The following NALF1 variants were observed in gnomAD, a reference collection of about 807,000 sequenced individuals.
NALF1 encodes family with sequence similarity 155 member A.
A neutral mutation model predicts 48.4 loss-of-function variants in NALF1; 3 were observed. That is an observed-to-expected ratio of 0.06 (90% CI 0.03 to 0.16). The LOEUF (loss-of-function observed/expected upper bound fraction) is 0.16. NALF1 is among the 10% of genes least tolerant of loss of function. The probability of loss-of-function intolerance (pLI) is 1.00; values close to 1 mark genes in which losing one functional copy is unlikely to be tolerated. For synonymous variants in NALF1, 262 were observed against 245.7 expected (o/e 1.07, Z -0.62); for missense variants, 526 against 571.5 (o/e 0.92, Z 0.81).
intron 1 of NALF1, among the ~76,000 whole-genome samples, chr13:107,637,963 C>T (rs1451143383): frequency 6.6e-5 from 10 of 151,718 alleles, no homozygotes. Context: ...GAAACGTCAC[C>T]ATGGTGAGTG....
chr13:107,639,727 T>A (rs754306595), intron 1 of NALF1, among the ~76,000 whole-genome samples: 2 of 152,088 alleles, frequency 1.3e-5, no homozygotes. Context: ...AAGTCTCAAC[T>A]CAGGCATGAT....
chr13:107,504,451 C>T (rs1392623371), intron 1 of NALF1, among the ~76,000 whole-genome samples: 1 of 152,038 alleles, frequency 6.6e-6, no homozygotes, highest in Non-Finnish European at 1.5e-5. Flanking sequence ...AGTAGCTATG[C>T]GAGACGATAG....
At chr13:107,796,597 G>A (rs932969977) in intron 1 of NALF1, among the ~76,000 whole-genome samples, 3 of 151,952 alleles carry the variant, frequency 2.0e-5, no homozygotes, top group Admixed American at 1.3e-4. Flanking sequence ...TACTACTCTC[G>A]CTGCTTTATT....
At position 107,812,507 on chromosome 13, in the gene NALF1, A is replaced by G. The variant is rs139046071; in HGVS notation, c.915+53175T>C. Among the ~76,000 whole-genome samples the G allele has an allele frequency of 3.2e-3, 492 of 152,226 alleles. 1 individual carries two copies. The highest frequency in any genetic ancestry group is 5.6e-3 in the Admixed American group (85 of 15,296). ...GATTTTTAGTCATGTCAATGAAAAA[A>G]TATTTCTAAAAATAGCTACAAAGTT... On this transcript the variant is annotated intron_variant, in intron 1 of 2. Transcript: ENST00000375915.
chr13:107,305,424 C>G (rs1041637968), intron 1 of NALF1, among the ~76,000 whole-genome samples: 3 of 152,210 alleles, frequency 2.0e-5, no homozygotes, highest in African/African-American at 7.2e-5. Context: ...ATTATATCCA[C>G]AAACTTTTTT....
chr13:107,699,120 T>C (rs1881761088), intron 1 of NALF1, among the ~76,000 whole-genome samples: 2 of 152,164 alleles, frequency 1.3e-5, no homozygotes, highest in Non-Finnish European at 2.9e-5. Flanking sequence ...AGAAAATACA[T>C]TGTTACAAAT....
At chr13:107,840,652 T>C (rs936846818) in intron 1 of NALF1, among the ~76,000 whole-genome samples, 2 of 152,190 alleles carry the variant, frequency 1.3e-5, no homozygotes, top group Non-Finnish European at 2.9e-5. Flanking sequence ...ACTCGGGTTC[T>C]ATTCCTCGAC....
chr13:107,336,237 C>A, intron 1 of NALF1, among the ~76,000 whole-genome samples: 1 of 151,952 alleles, frequency 6.6e-6, no homozygotes, highest in East Asian at 1.9e-4. Context: ...CCTGTAATCC[C>A]AGCTACTCCG....
chr13:107,765,894 A>C (rs1324691096), intron 1 of NALF1, among the ~76,000 whole-genome samples: 2 of 152,240 alleles, frequency 1.3e-5, no homozygotes, highest in Non-Finnish European at 2.9e-5. Context: ...GAACATGTCT[A>C]TGACAAATCA....
At chr13:107,648,711 T>G (rs938338164) in intron 1 of NALF1, among the ~76,000 whole-genome samples, 1 of 152,184 alleles carries the variant, frequency 6.6e-6, no homozygotes, top group Admixed American at 6.5e-5. Context: ...GAAGACTGAT[T>G]GCTAGTTAAT....
chr13:107,625,656 C>T (rs541512685), intron 1 of NALF1, among the ~76,000 whole-genome samples: 1 of 152,094 alleles, frequency 6.6e-6, no homozygotes, highest in Non-Finnish European at 1.5e-5. Context: ...ATTTCTTCTT[C>T]ACCATTCCCT....
chr13:107,397,807 T>C (rs905981725), intron 1 of NALF1, among the ~76,000 whole-genome samples: 6 of 152,228 alleles, frequency 3.9e-5, no homozygotes, highest in Admixed American at 1.3e-4. Context: ...ATAAAAAAAA[T>C]TACTTTGAAG....
intron 1 of NALF1, among the ~76,000 whole-genome samples, chr13:107,245,475 C>T (rs9520339): frequency 0.2 from 29,717 of 152,180 alleles, 3,573 homozygotes; most frequent in South Asian, 0.42. Context: ...CAAGTAATAA[C>T]TCTGATTTCC....
intron 1 of NALF1, among the ~76,000 whole-genome samples, chr13:107,854,276 C>T (rs1880388341): frequency 6.6e-6 from 1 of 152,180 alleles, no homozygotes; most frequent in Non-Finnish European, 1.5e-5. Context: ...TTGGCCAAAC[C>T]TCCAGAAAGC....
At chr13:107,860,946 T>C (rs181455477) in intron 1 of NALF1, among the ~76,000 whole-genome samples, 1 of 152,340 alleles carries the variant, frequency 6.6e-6, no homozygotes, top group East Asian at 1.9e-4. Flanking sequence ...AAAAGCAATA[T>C]ATAACAGCAA....
At chr13:107,338,129 A>G (rs1289552026) in intron 1 of NALF1, among the ~76,000 whole-genome samples, 2 of 152,238 alleles carry the variant, frequency 1.3e-5, no homozygotes, top group Non-Finnish European at 2.9e-5. Flanking sequence ...AATGAAACGC[A>G]GTATAATCCT....
At chr13:107,856,615 T>C (rs1880446292) in intron 1 of NALF1, among the ~76,000 whole-genome samples, 1 of 152,192 alleles carries the variant, frequency 6.6e-6, no homozygotes, top group South Asian at 2.1e-4. Flanking sequence ...CTTTCCTTTT[T>C]AAAATCAAAG....
At chr13:107,729,396 G>GT (rs1490254659) in intron 1 of NALF1, among the ~76,000 whole-genome samples, 1 of 151,454 alleles carries the variant, frequency 6.6e-6, no homozygotes. Flanking sequence ...GTTCTTTGTT[G>GT]TGACACTGTA....
At chr13:107,392,393 C>G in intron 1 of NALF1, among the ~76,000 whole-genome samples, 1 of 152,120 alleles carries the variant, frequency 6.6e-6, no homozygotes, top group East Asian at 1.9e-4. Flanking sequence ...CCCTCAATCT[C>G]TTCAGCTGCT....
Sources: gnomAD v4.1 joint callset for allele counts (sites outside exome capture counted in the v4.1 genomes callset) on GRCh38, gnomAD v4.1.1 for gene constraint, MANE v1.5 for transcripts, NCBI Gene and HGNC (gene_info 2026-07-23, HGNC 2026-07-21) for gene names.